The following USH2A variants were observed in gnomAD, a reference collection of about 807,000 sequenced individuals.
The protein encoded by USH2A is Usher syndrome 2A (autosomal recessive, mild).
USH2A carries 443 observed loss-of-function variants against 538.9 expected under a neutral mutation model. The ratio of observed to expected loss-of-function variants is 0.82; its 90% CI spans 0.76 to 0.89. The LOEUF (loss-of-function observed/expected upper bound fraction) is 0.89. Ranked by LOEUF, USH2A falls within the 40% of genes least tolerant of loss-of-function variation. The probability of loss-of-function intolerance (pLI) is 0.00; values close to 1 mark genes in which losing one functional copy is unlikely to be tolerated. For missense variants in USH2A, 6,633 were observed against 6,324.8 expected (o/e 1.05, Z -1.65); for synonymous variants, 2,413 against 2,273.5 (o/e 1.06, Z -1.75).
At chr1:216,260,567 C>A (rs2036351649) in intron 11 of USH2A, among the ~76,000 whole-genome samples, 2 of 152,132 alleles carry the variant, frequency 1.3e-5, no homozygotes, top group Non-Finnish European at 2.9e-5. Context: ...TCCCTCACAA[C>A]AAATTACCCA....
At chr1:216,292,058 A>G in intron 10 of USH2A, 117 bp downstream of exon 10, 3 of 1,203,756 alleles carry the variant, frequency 2.5e-6, no homozygotes, top group Middle Eastern at 2.1e-4. Context: ...TTTCAAACTT[A>G]AAGGTATGAA....
intron 55 of USH2A, among the ~76,000 whole-genome samples, chr1:215,770,942 TAAAA>T (rs59409812): frequency 6.1e-5 from 4 of 65,876 alleles, no homozygotes; most frequent in Non-Finnish European, 8.8e-5. Context: ...CCGTCTCTAC[TAAAA>T]AAAAAAAAAA....
At chr1:216,391,405 T>C (rs1369203961) in intron 3 of USH2A, among the ~76,000 whole-genome samples, 1 of 152,210 alleles carries the variant, frequency 6.6e-6, no homozygotes, top group East Asian at 1.9e-4. Flanking sequence ...CAAGATCTCA[T>C]CACATTACTT....
At chr1:216,153,338 C>A (rs578016067) in intron 21 of USH2A, among the ~76,000 whole-genome samples, 1 of 152,142 alleles carries the variant, frequency 6.6e-6, no homozygotes, top group Non-Finnish European at 1.5e-5. Flanking sequence ...GGGACTGGAG[C>A]CCAAAAGTTC....
chr1:215,673,198 A>G (rs922478552), intron 63 of USH2A, among the ~76,000 whole-genome samples: 7 of 152,178 alleles, frequency 4.6e-5, no homozygotes, highest in African/African-American at 1.4e-4. Context: ...TCATGAGTAG[A>G]TGCATAAAAC....
At chr1:216,227,932 C>A (rs1572069143) in intron 14 of USH2A, among the ~76,000 whole-genome samples, 1 of 152,086 alleles carries the variant, frequency 6.6e-6, no homozygotes, top group Non-Finnish European at 1.5e-5. Flanking sequence ...GAGCTGACCC[C>A]ACAGTACAGC....
intron 49 of USH2A, among the ~76,000 whole-genome samples, chr1:215,808,413 G>A (rs1662563632): frequency 6.6e-6 from 1 of 151,908 alleles, no homozygotes; most frequent in Non-Finnish European, 1.5e-5. Flanking sequence ...TTTTTCCTAT[G>A]TGTAAAATGG....
intron 58 of USH2A, among the ~76,000 whole-genome samples, chr1:215,757,991 A>T (rs1660862245): frequency 6.6e-6 from 1 of 152,222 alleles, no homozygotes; most frequent in Non-Finnish European, 1.5e-5. Context: ...CATTGGATAT[A>T]TAGAAGAGTA....
intron 64 of USH2A, among the ~76,000 whole-genome samples, chr1:215,660,639 A>G (rs1657410550): frequency 2.0e-5 from 3 of 152,200 alleles, no homozygotes; most frequent in Admixed American, 6.5e-5. Context: ...TGGCTTCTCT[A>G]CTTTGTTTTA....
intron 3 of USH2A, among the ~76,000 whole-genome samples, chr1:216,381,006 A>G (rs2038913640): frequency 6.6e-6 from 1 of 152,160 alleles, no homozygotes; most frequent in South Asian, 2.1e-4. Context: ...TGCAAAACCT[A>G]CTTAATATCT....
chr1:215,917,657 T>C (rs544542823), intron 38 of USH2A, among the ~76,000 whole-genome samples: 24 of 151,530 alleles, frequency 1.6e-4, no homozygotes, highest in Non-Finnish European at 3.2e-4. Flanking sequence ...AATAAATTAC[T>C]GAGGGGCTGG....
chr1:216,334,371 G>A (rs545455468), intron 4 of USH2A, among the ~76,000 whole-genome samples: 1 of 151,864 alleles, frequency 6.6e-6, no homozygotes, highest in Non-Finnish European at 1.5e-5. Flanking sequence ...TACACTAGAA[G>A]ATAACTTTTT....
At position 216,198,600 on chromosome 1, in the gene USH2A, A is replaced by G. The variant is rs1477023654; in HGVS notation, c.3812-16T>C. On this transcript the variant is annotated splice_polypyrimidine_tract_variant and intron_variant, in intron 17 of 71. Coordinates refer to ENST00000307340, the MANE Select transcript of USH2A (RefSeq NM_206933.4). ...ATAATTATTCCTAGAGAAATTAAATAGTGAACCTACGTAACTCATCAGACA... is the reference window on the plus strand; with the variant it reads ...ATAATTATTCCTAGAGAAATTAAATGGTGAACCTACGTAACTCATCAGACA... The G allele has an allele frequency of 6.2e-7, 1 of 1,608,140 alleles. No individual in the cohort carries two copies.
chr1:215,665,420 A>G (rs1657576033), intron 64 of USH2A, among the ~76,000 whole-genome samples: 1 of 152,152 alleles, frequency 6.6e-6, no homozygotes, highest in Non-Finnish European at 1.5e-5. Context: ...TCAAAGTGAG[A>G]TAGTTTCAGG....
chr1:215,969,553 T>C (rs1667439992), intron 36 of USH2A, among the ~76,000 whole-genome samples: 1 of 152,136 alleles, frequency 6.6e-6, no homozygotes, highest in Admixed American at 6.5e-5. Context: ...TTTTTCTTTT[T>C]TTTTTTTTGA....
At chr1:216,143,762 T>C (rs1464688542) in intron 21 of USH2A, among the ~76,000 whole-genome samples, 1 of 152,178 alleles carries the variant, frequency 6.6e-6, no homozygotes, top group African/African-American at 2.4e-5. Context: ...AATTACTGTA[T>C]GTAATGTGAT....
At chr1:216,376,994 G>A (rs2038834699) in intron 3 of USH2A, among the ~76,000 whole-genome samples, 1 of 152,026 alleles carries the variant, frequency 6.6e-6, no homozygotes, top group Admixed American at 6.6e-5. Flanking sequence ...ATTCTTAAAA[G>A]AAAGGCATGC....
At chr1:215,741,099 A>G (rs950778332) in intron 60 of USH2A, among the ~76,000 whole-genome samples, 7 of 152,170 alleles carry the variant, frequency 4.6e-5, no homozygotes, top group Admixed American at 1.3e-4. Flanking sequence ...TATGTGGGCT[A>G]TAAGGTCTCA....
At chr1:215,787,917 A>T (rs941144910) in intron 51 of USH2A, among the ~76,000 whole-genome samples, 3 of 152,042 alleles carry the variant, frequency 2.0e-5, no homozygotes, top group Admixed American at 2.0e-4. Context: ...GGTGGCGCAC[A>T]CCTGTAATCC....
Sources: gnomAD v4.1 joint callset for allele counts (sites outside exome capture counted in the v4.1 genomes callset) on GRCh38, gnomAD v4.1.1 for gene constraint, MANE v1.5 for transcripts, NCBI Gene and HGNC (gene_info 2026-07-23, HGNC 2026-07-21) for gene names.